Variants in P2RX3 observed in about 807,000 individuals in gnomAD.
P2RX3 encodes the protein P2X purinoceptor 3.
A neutral mutation model predicts 51.5 loss-of-function variants in P2RX3; 41 were observed. The observed-to-expected ratio is 0.80, with a 90% CI of 0.62 to 1.03. The LOEUF (loss-of-function observed/expected upper bound fraction) is 1.03. Among genes scored for constraint, P2RX3 ranks in the 50% least tolerant of loss-of-function variants. P2RX3 has a pLI of 0.00. For missense variants in P2RX3, 459 were observed against 522.1 expected, an observed-to-expected ratio of 0.88 and a Z score of 1.18; for synonymous variants, 185 against 191.6, an observed-to-expected ratio of 0.97 and a Z score of 0.29.
chr11:57,368,233 C>G (rs988225267), intron 9 of P2RX3, 131 bp downstream of exon 9: 2 of 1,297,586 alleles, frequency 1.5e-6, no homozygotes, highest in Non-Finnish European at 2.2e-6. Context: ...GTGGGTCACT[C>G]TCCCATCAAT....
At position 57,360,795 on chromosome 11, in the gene P2RX3, C is replaced by CA. The variant is rs779582766; in HGVS notation, c.843-7203dup. 2.7e-3 allele frequency among the ~76,000 whole-genome samples: 308 copies of CA among 113,696 alleles called. 4 individuals are homozygous for CA. The highest frequency in any genetic ancestry group is 0.011 in the South Asian group (36 of 3,192). 74.6% of individuals were successfully genotyped at this position (113,696 alleles called of 152,430 possible). On this transcript the variant is annotated intron_variant, in intron 8 of 11. Coordinates refer to ENST00000263314, the MANE Select transcript of P2RX3 (RefSeq NM_002559.5). Reference sequence around the variant, plus strand: ...CTGGTGACAGAGCGAGACTCTGTCTCAAAAAAAAAAAGAAAAAAAGAAAGA... The same window carrying CA: ...CTGGTGACAGAGCGAGACTCTGTCTCAAAAAAAAAAAAGAAAAAAAGAAAGA...
At chr11:57,354,178 T>C (rs915146697) in intron 8 of P2RX3, among the ~76,000 whole-genome samples, 3 of 152,166 alleles carry the variant, frequency 2.0e-5, no homozygotes, top group African/African-American at 7.2e-5. Context: ...AGCCAAAATG[T>C]GCCTCCCTTT....
At chr11:57,350,667 A>C in intron 7 of P2RX3, 95 bp from the exon 8 acceptor site, 10 of 1,514,046 alleles carry the variant, frequency 6.6e-6, no homozygotes, top group Non-Finnish European at 5.4e-6. Context: ...GATGGGAGGA[A>C]ATCATTTGTC....
intron 8 of P2RX3, among the ~76,000 whole-genome samples, chr11:57,361,657 T>C (rs767411812): frequency 5.3e-5 from 8 of 152,218 alleles, no homozygotes; most frequent in Non-Finnish European, 1.2e-4. Context: ...TATTCCATGG[T>C]ATATATACCA....
intron 8 of P2RX3, among the ~76,000 whole-genome samples, chr11:57,360,795 C>A (rs1474830003): frequency 2.2e-3 from 252 of 113,572 alleles, no homozygotes; most frequent in East Asian, 3.9e-3. Context: ...GACTCTGTCT[C>A]AAAAAAAAAA....
At chr11:57,355,899 T>C (rs1307558378) in intron 8 of P2RX3, among the ~76,000 whole-genome samples, 1 of 152,136 alleles carries the variant, frequency 6.6e-6, no homozygotes, top group Non-Finnish European at 1.5e-5. Flanking sequence ...GTGTGGAAGC[T>C]CCTGCCTGTA....
intron 8 of P2RX3, among the ~76,000 whole-genome samples, chr11:57,357,752 AAG>A (rs1209803086): frequency 6.6e-6 from 1 of 152,134 alleles, no homozygotes; most frequent in African/African-American, 2.4e-5. Context: ...CTCTAAGGAG[AAG>A]AGTTCCAGCC....
intron 3 of P2RX3, 87 bp downstream of exon 3, chr11:57,347,274 A>C: frequency 6.6e-7 from 1 of 1,511,280 alleles, no homozygotes; most frequent in Non-Finnish European, 9.1e-7. Flanking sequence ...GTATGAGCAG[A>C]GGCCCCAAGT....
intron 8 of P2RX3, among the ~76,000 whole-genome samples, chr11:57,359,427 C>T (rs886744319): frequency 5.9e-5 from 9 of 152,204 alleles, no homozygotes; most frequent in African/African-American, 2.2e-4. Context: ...CACCAGGTAA[C>T]CATCCCCGCT....
intron 6 of P2RX3, 129 bp from the exon 7 acceptor site, chr11:57,349,628 T>C: frequency 9.3e-7 from 1 of 1,079,374 alleles, no homozygotes; most frequent in Non-Finnish European, 1.3e-6. Flanking sequence ...GGGAGGGAGA[T>C]GGCGAGGTCC....
At chr11:57,363,808 C>T (rs936813996) in intron 8 of P2RX3, among the ~76,000 whole-genome samples, 2 of 152,154 alleles carry the variant, frequency 1.3e-5, no homozygotes, top group East Asian at 1.9e-4. Flanking sequence ...GCAGCCTGGG[C>T]CCACACTCCC....
intron 8 of P2RX3, among the ~76,000 whole-genome samples, chr11:57,351,410 C>T (rs551199572): frequency 6.6e-6 from 1 of 152,342 alleles, no homozygotes; most frequent in Admixed American, 6.5e-5. Flanking sequence ...TTCTTCAATG[C>T]CTCTCCAAAC....
chr11:57,354,117 G>A (rs930154446), intron 8 of P2RX3, among the ~76,000 whole-genome samples: 10 of 152,136 alleles, frequency 6.6e-5, no homozygotes, highest in South Asian at 2.1e-4. Context: ...TCTGATCTCC[G>A]TGGCAAGCAA....
At chr11:57,369,095 T>C (rs1856841177) in intron 10 of P2RX3, among the ~76,000 whole-genome samples, 1 of 152,148 alleles carries the variant, frequency 6.6e-6, no homozygotes, top group Admixed American at 6.5e-5. Flanking sequence ...GATTAATCCA[T>C]CCATGAGGGC....
chr11:57,343,248 TGAA>T (rs1435919431), intron 1 of P2RX3, among the ~76,000 whole-genome samples: 4 of 152,084 alleles, frequency 2.6e-5, no homozygotes, highest in Non-Finnish European at 5.9e-5. Flanking sequence ...GAAGGAGCCT[TGAA>T]GGAGGAGGAG....
chr11:57,363,416 G>A (rs1856749871), intron 8 of P2RX3, among the ~76,000 whole-genome samples: 1 of 152,110 alleles, frequency 6.6e-6, no homozygotes, highest in Non-Finnish European at 1.5e-5. Context: ...GGGGTGGGGA[G>A]CGCCATGCAG....
intron 6 of P2RX3, among the ~76,000 whole-genome samples, chr11:57,349,077 C>G (rs1271426583): frequency 4.6e-5 from 7 of 152,184 alleles, no homozygotes; most frequent in African/African-American, 1.7e-4. Flanking sequence ...TCCCTTTTCT[C>G]TTAGTCAGTT....
chr11:57,351,680 T>A (rs369205428), intron 8 of P2RX3, among the ~76,000 whole-genome samples: 3 of 152,346 alleles, frequency 2.0e-5, no homozygotes, highest in South Asian at 2.1e-4. Context: ...TTCAGCTTTC[T>A]GTTTTGTTTC....
At chr11:57,345,348 C>T (rs1856411944) in intron 1 of P2RX3, among the ~76,000 whole-genome samples, 1 of 152,198 alleles carries the variant, frequency 6.6e-6, no homozygotes, top group African/African-American at 2.4e-5. Context: ...TTCTCCAAGA[C>T]TGGCTTCTGT....
Sources: allele counts gnomAD v4.1 joint callset (sites outside exome capture counted in the v4.1 genomes callset), GRCh38; gene constraint gnomAD v4.1.1; transcripts MANE v1.5; gene names NCBI Gene and HGNC (gene_info 2026-07-23, HGNC 2026-07-21).